Variants in ANKRD62 observed in about 807,000 individuals in gnomAD.
The protein encoded by ANKRD62 is ankyrin repeat domain 62, also known as ankyrin repeat domain-containing protein 62.
ANKRD62 carries 61 observed loss-of-function variants against 98.8 expected under a neutral mutation model. That is an observed-to-expected ratio of 0.62 (90% CI 0.50 to 0.76). ANKRD62 has a LOEUF of 0.76. ANKRD62 is among the 30% of genes least tolerant of loss of function. The pLI, the probability that ANKRD62 is intolerant of heterozygous loss-of-function variation, is 0.00. For synonymous variants in ANKRD62, 341 were observed against 367.9 expected, an observed-to-expected ratio of 0.93 and a Z score of 0.84; for missense variants, 933 against 1,082.9, an observed-to-expected ratio of 0.86 and a Z score of 1.94.
In ANKRD62 at chr18:12,094,126, A is replaced by G; in HGVS notation, c.109A>G (p.Lys37Glu). 6.5e-7 allele frequency: 1 copy of G among 1,534,022 alleles called. No homozygotes were observed. The change falls in exon 1 of 14, where the codon AAG becomes GAG. Residue 37 changes from lysine to glutamate, a missense_variant. Physicochemically the swap from Lys to Glu is moderately conservative, Grantham distance 56. This residue lies in a region of ANKRD62 where 549 missense variants were observed against 587.9 expected (regional missense o/e 0.93). Transcript: ENST00000587848. ...AAATCCCGGGTACCGAGTCCGGCAG[A>G]AGGATCTGGGCATGATCCACAAAGC... is the stretch of plus-strand genomic sequence containing the variant. ...FSNPGYRVRQ[K>E]DLGMIHKAAI... is the part of the protein sequence containing the mutation.
At chr18:12,096,402 T>C in intron 4 of ANKRD62, 100 bp downstream of exon 4, 1 of 655,356 alleles carries the variant, frequency 1.5e-6, no homozygotes, top group Non-Finnish European at 2.4e-6. Flanking sequence ...ATTAACTTAT[T>C]ATTATTGGGA....
rs776409349 is a variant in ANKRD62, at chr18:12,126,057, C to T, written c.2236C>T (p.Arg746Cys). Reference protein sequence around the residue: ...HMQGVLSRTQRRLEDIEHMYQ... With the variant: ...HMQGVLSRTQCRLEDIEHMYQ... ...GCAAGGAGTCCTAAGCCGAACACAG[C>T]GTCGATTGGAGGACATTGAACACAT... Residue 746 changes from arginine to cysteine, a missense_variant, in exon 13 of 14, where the codon CGT becomes TGT. Physicochemically the swap from Arg to Cys is radical, Grantham distance 180. Transcript: ENST00000587848. 1.3e-5 allele frequency: 20 copies of T among 1,536,068 alleles called. No individual in the cohort carries two copies. The highest frequency in any genetic ancestry group is 4.1e-5 in the African/African-American group (3 of 73,026).
chr18:12,175,594 T>C, the ANKRD62 span, among the ~76,000 whole-genome samples: 6 of 151,686 alleles, frequency 4.0e-5, no homozygotes, highest in African/African-American at 9.8e-5. Context: ...AGCCCTCTTC[T>C]AGTCAGGCAG....
chr18:12,105,678 G>A (rs937968285), intron 7 of ANKRD62, among the ~76,000 whole-genome samples: 2 of 150,812 alleles, frequency 1.3e-5, no homozygotes, highest in African/African-American at 4.9e-5. Context: ...ACATAAAATC[G>A]GGTTATCTAT....
intron 7 of ANKRD62, among the ~76,000 whole-genome samples, chr18:12,103,547 C>CAATG (rs1354359156): frequency 6.6e-6 from 1 of 151,928 alleles, no homozygotes; most frequent in African/African-American, 2.4e-5. Flanking sequence ...AATAATTTAA[C>CAATG]AATGGTGGCT....
At chr18:12,095,101 A>G in intron 1 of ANKRD62, 70 bp from the exon 2 acceptor site, 1 of 1,079,590 alleles carries the variant, frequency 9.3e-7, no homozygotes, top group East Asian at 2.6e-5. Context: ...GATGTTTACA[A>G]TTGCATGCGT....
At chr18:12,139,258 G>A in the ANKRD62 span, among the ~76,000 whole-genome samples, 1,265 of 152,190 alleles carry the variant, frequency 8.3e-3, 11 homozygotes, top group South Asian at 0.024. Context: ...AAATCTCTCA[G>A]CATTTGCTTG....
At chr18:12,099,476 T>A in intron 5 of ANKRD62, 139 bp from the exon 6 acceptor site, 1 of 479,212 alleles carries the variant, frequency 2.1e-6, no homozygotes, top group Non-Finnish European at 3.5e-6. Flanking sequence ...AATAAGAGTT[T>A]TGTAGAGCTT....
At chr18:12,107,941 A>G (rs2143908156) in intron 8 of ANKRD62, among the ~76,000 whole-genome samples, 1 of 152,300 alleles carries the variant, frequency 6.6e-6, no homozygotes. Context: ...AGGCCAACAT[A>G]TATATGCATG....
intron 6 of ANKRD62, chr18:12,102,007 G>A (rs552713141): frequency 2.6e-5 from 34 of 1,319,304 alleles, no homozygotes; most frequent in East Asian, 1.4e-4. Flanking sequence ...CTTCCACAGC[G>A]TGGCAACAGC....
chr18:12,178,553 A>G, the ANKRD62 span, among the ~76,000 whole-genome samples: 1 of 149,766 alleles, frequency 6.7e-6, no homozygotes, highest in African/African-American at 2.5e-5. Flanking sequence ...ACAATATGAA[A>G]TGCAGTGAAG....
chr18:12,168,740 C>A, the ANKRD62 span, among the ~76,000 whole-genome samples: 1 of 152,176 alleles, frequency 6.6e-6, no homozygotes, highest in Non-Finnish European at 1.5e-5. Flanking sequence ...TGGCCATTTT[C>A]ACGATATTGA....
chr18:12,135,014 C>T, the ANKRD62 span, among the ~76,000 whole-genome samples: 4 of 151,910 alleles, frequency 2.6e-5, no homozygotes, highest in East Asian at 1.9e-4. Context: ...TCCTATTTTT[C>T]CACATCCTCT....
chr18:12,166,222 C>T, the ANKRD62 span, among the ~76,000 whole-genome samples: 1 of 152,176 alleles, frequency 6.6e-6, no homozygotes, highest in East Asian at 1.9e-4. Context: ...TTTGAATAAA[C>T]TTTCTACCCT....
At chr18:12,102,703 G>A in intron 6 of ANKRD62, 1 of 1,034,294 alleles carries the variant, frequency 9.7e-7, no homozygotes, top group Non-Finnish European at 1.2e-6. Context: ...TAATGAACGG[G>A]GTGTATATGG....
Position 12,126,485 on chromosome 18 carries a change from T to C in ANKRD62, c.2562+102T>C, listed in dbSNP as rs1056706334. On this transcript the variant is annotated intron_variant, in intron 13 of 13. Coordinates refer to ENST00000587848, the MANE Select transcript of ANKRD62 (RefSeq NM_001277333.2). ...CTGAATCTAGTTGAATATCAAAATA[T>C]ATACATGATAAACGGTTCTGCTATA... 128 of 1,075,120 alleles carry C rather than the reference T, an allele frequency of 1.2e-4. 1 individual carries two copies. The highest frequency in any genetic ancestry group is 1.6e-4 in the Non-Finnish European group (125 of 770,284). The allele number at this position is 1,075,120 out of a possible 1,614,324, so 66.6% of individuals were successfully genotyped here.
chr18:12,151,034 A>C, the ANKRD62 span, among the ~76,000 whole-genome samples: 73 of 152,260 alleles, frequency 4.8e-4, no homozygotes, highest in Non-Finnish European at 8.8e-4. Context: ...TGCTGTCTTC[A>C]AGAAACGTGT....
At chr18:12,150,931 T>C in the ANKRD62 span, among the ~76,000 whole-genome samples, 10 of 152,076 alleles carry the variant, frequency 6.6e-5, no homozygotes, top group Admixed American at 3.9e-4. Context: ...AATCCACAAA[T>C]ATCAACACTA....
At chr18:12,095,042 C>T (rs1909150881) in intron 1 of ANKRD62, 129 bp from the exon 2 acceptor site, 1 of 762,100 alleles carries the variant, frequency 1.3e-6, no homozygotes, top group Non-Finnish European at 2.1e-6. Flanking sequence ...CCTTTCTTCA[C>T]AAGAAAAGTA....
Sources: allele counts gnomAD v4.1 joint callset (sites outside exome capture counted in the v4.1 genomes callset), GRCh38; gene constraint gnomAD v4.1.1; regional missense constraint gnomAD v4.1.1; transcripts MANE v1.5; gene names NCBI Gene and HGNC (gene_info 2026-07-23, HGNC 2026-07-21).